RNF150: variants seen among roughly 807,000 people sequenced by gnomAD.
The protein encoded by RNF150 is ring finger protein 150.
In RNF150, 24 loss-of-function variants were observed where a neutral mutation model predicts 39.3. The ratio of observed to expected loss-of-function variants is 0.61; its 90% CI spans 0.44 to 0.86. RNF150 has a LOEUF of 0.86. RNF150 is among the 40% of genes least tolerant of loss of function. The pLI is 0.00. For synonymous variants in RNF150, 255 were observed against 227.3 expected (o/e 1.12, Z -1.10); for missense variants, 502 against 587.8 (o/e 0.85, Z 1.51).
chr4:141,201,868 C>G (rs995242428), intron 1 of RNF150, among the ~76,000 whole-genome samples: 2 of 152,100 alleles, frequency 1.3e-5, no homozygotes, highest in African/African-American at 4.8e-5. Flanking sequence ...TATGTTGGAA[C>G]AGAATCCCCA....
At chr4:140,872,593 C>T (rs1728989972) in intron 6 of RNF150, among the ~76,000 whole-genome samples, 1 of 152,058 alleles carries the variant, frequency 6.6e-6, no homozygotes, top group African/African-American at 2.4e-5. Flanking sequence ...TATTGTGGTG[C>T]TAAAGGTGGA....
At chr4:141,143,124 C>A (rs1424101370) in intron 1 of RNF150, among the ~76,000 whole-genome samples, 1 of 152,178 alleles carries the variant, frequency 6.6e-6, no homozygotes, top group African/African-American at 2.4e-5. Context: ...CCCTCCTTGG[C>A]CTCCCAAAGT....
chr4:141,186,550 C>T (rs1420279533), intron 1 of RNF150, among the ~76,000 whole-genome samples: 1 of 150,754 alleles, frequency 6.6e-6, no homozygotes, highest in Non-Finnish European at 1.5e-5. Context: ...AGGTGCCCAC[C>T]ACCATGCCCG....
At chr4:141,015,995 C>T (rs1478366860) in intron 1 of RNF150, among the ~76,000 whole-genome samples, 2 of 152,128 alleles carry the variant, frequency 1.3e-5, no homozygotes, top group Non-Finnish European at 2.9e-5. Flanking sequence ...ATAACACTCT[C>T]CACGTCCTGA....
intron 1 of RNF150, among the ~76,000 whole-genome samples, chr4:140,975,310 T>C (rs1203644485): frequency 1.3e-5 from 2 of 152,126 alleles, no homozygotes; most frequent in East Asian, 1.9e-4. Context: ...AACCTAGCTA[T>C]ACGAAAGGCA....
chr4:141,210,500 T>TTC (rs376117902), intron 1 of RNF150, among the ~76,000 whole-genome samples: 2 of 148,868 alleles, frequency 1.3e-5, no homozygotes, highest in African/African-American at 5.0e-5. Context: ...TTTTTTTTTT[T>TTC]CCAGGGAGAG....
intron 1 of RNF150, among the ~76,000 whole-genome samples, chr4:141,208,236 C>T (rs1223748209): frequency 1.3e-5 from 2 of 152,218 alleles, no homozygotes; most frequent in African/African-American, 4.8e-5. Context: ...TAACTCAGAT[C>T]CCAGGCTTCC....
chr4:141,033,899 A>G (rs1338333334), intron 1 of RNF150, among the ~76,000 whole-genome samples: 1 of 152,216 alleles, frequency 6.6e-6, no homozygotes, highest in African/African-American at 2.4e-5. Flanking sequence ...CCATGAATAA[A>G]TCACATGCAG....
chr4:141,181,635 C>G (rs1190088222), intron 1 of RNF150, among the ~76,000 whole-genome samples: 1 of 152,188 alleles, frequency 6.6e-6, no homozygotes. Context: ...AATGCTCTCT[C>G]TAATTTTTTA....
At chr4:141,010,894 G>A (rs1462019787) in intron 1 of RNF150, among the ~76,000 whole-genome samples, 1 of 152,116 alleles carries the variant, frequency 6.6e-6, no homozygotes, top group Non-Finnish European at 1.5e-5. Context: ...AGAAATGGGT[G>A]TAGCTTGAAG....
chr4:140,917,892 C>G (rs969813944), intron 5 of RNF150, among the ~76,000 whole-genome samples: 4 of 151,988 alleles, frequency 2.6e-5, no homozygotes, highest in Non-Finnish European at 5.9e-5. Flanking sequence ...GAAACTCACT[C>G]AAAACCGCTC....
intron 4 of RNF150, among the ~76,000 whole-genome samples, chr4:140,943,160 G>A (rs1474625033): frequency 6.6e-6 from 1 of 152,178 alleles, no homozygotes; most frequent in Non-Finnish European, 1.5e-5. Context: ...TCTTTGGTCA[G>A]TTTATGCACC....
In RNF150 at chr4:140,942,861, G is replaced by A. The variant is rs185595826; in HGVS notation, c.890+4793C>T. ...ACCAAAGATGATAACATGAGTTTTA[G>A]AGAATTTTGTTTGTAATCCAACTCT... On this transcript the variant is annotated intron_variant, in intron 4 of 6. Transcript: ENST00000515673. Among the ~76,000 whole-genome samples, 454 of 152,274 alleles carry A rather than the reference G, an allele frequency of 3.0e-3. 1 individual carries two copies. The highest frequency in any genetic ancestry group is 4.8e-3 in the Admixed American group (73 of 15,286).
At chr4:140,911,421 C>T in intron 5 of RNF150, 67 bp from the exon 6 acceptor site, 1 of 1,316,296 alleles carries the variant, frequency 7.6e-7, no homozygotes, top group Admixed American at 2.3e-5. Flanking sequence ...TGTCTATAGC[C>T]TAAACATTCT....
chr4:141,187,152 T>A (rs947163124), intron 1 of RNF150, among the ~76,000 whole-genome samples: 1 of 152,220 alleles, frequency 6.6e-6, no homozygotes, highest in African/African-American at 2.4e-5. Flanking sequence ...AGTTTCCATG[T>A]AGTTCTGTGG....
rs1018873007 is a variant in RNF150, at chr4:140,918,839, G to T, written c.987+7138C>A. On this transcript the variant is annotated intron_variant, in intron 5 of 6. Coordinates refer to ENST00000515673, the MANE Select transcript of RNF150 (RefSeq NM_020724.2). ...GCACATCAAAAAGCTTATCCACCAT[G>T]ATCAAGTGGGCTTCATCCCTGGGAT... Among the ~76,000 whole-genome samples, 9 of 152,124 alleles carry T rather than the reference G, an allele frequency of 5.9e-5. No homozygotes were observed. The East Asian group carries it at 1.7e-3, about 29-fold the overall frequency.
chr4:140,968,726 A>G (rs1579013555), intron 1 of RNF150, among the ~76,000 whole-genome samples: 1 of 151,808 alleles, frequency 6.6e-6, no homozygotes, highest in Non-Finnish European at 1.5e-5. Flanking sequence ...ACTTTTATAT[A>G]TATGGGTCAT....
chr4:140,887,208 G>C (rs1729608029), intron 6 of RNF150, among the ~76,000 whole-genome samples: 1 of 152,122 alleles, frequency 6.6e-6, no homozygotes, highest in Non-Finnish European at 1.5e-5. Context: ...GTTGATACTT[G>C]ACAAATACTT....
chr4:141,016,512 T>A (rs1465234738), intron 1 of RNF150, among the ~76,000 whole-genome samples: 1 of 152,262 alleles, frequency 6.6e-6, no homozygotes, highest in Non-Finnish European at 1.5e-5. Context: ...TATGGAGTAG[T>A]CCCGCTCTGC....
Sources: gnomAD v4.1 joint callset for allele counts (sites outside exome capture counted in the v4.1 genomes callset) on GRCh38, gnomAD v4.1.1 for gene constraint, MANE v1.5 for transcripts, NCBI Gene and HGNC (gene_info 2026-07-23, HGNC 2026-07-21) for gene names.